Variants in CCDC178 observed in about 807,000 individuals in gnomAD.
CCDC178 encodes coiled-coil domain-containing protein 178.
In CCDC178, 126 loss-of-function variants were observed where a neutral mutation model predicts 117.4. That is an observed-to-expected ratio of 1.07 (90% CI 0.93 to 1.24). CCDC178 has a LOEUF of 1.24. Ranked by LOEUF, CCDC178 falls within the 50% of genes most tolerant of loss-of-function variation. The pLI is 0.00. For synonymous variants in CCDC178, 283 were observed against 313.4 expected (o/e 0.90, Z 1.02); for missense variants, 1,030 against 986.9 (o/e 1.04, Z -0.59).
chr18:33,173,447 T>C (rs895241834), intron 20 of CCDC178, among the ~76,000 whole-genome samples: 1 of 152,136 alleles, frequency 6.6e-6, no homozygotes, highest in African/African-American at 2.4e-5. Context: ...TCCTCAAAAG[T>C]TTCAAAACTA....
chr18:33,043,239 TA>T (rs1389831921), intron 21 of CCDC178, among the ~76,000 whole-genome samples: 1 of 152,000 alleles, frequency 6.6e-6, no homozygotes, highest in African/African-American at 2.4e-5. Context: ...TCTATTTCAG[TA>T]AAAAAACTAT....
At chr18:33,319,504 G>A (rs944683472) in intron 11 of CCDC178, among the ~76,000 whole-genome samples, 10 of 151,984 alleles carry the variant, frequency 6.6e-5, no homozygotes, top group African/African-American at 1.9e-4. Flanking sequence ...ATAAACATAC[G>A]TGTGCATGTG....
chr18:33,434,202 A>T (rs145684206), intron 2 of CCDC178, among the ~76,000 whole-genome samples: 355 of 152,250 alleles, frequency 2.3e-3, no homozygotes, highest in African/African-American at 7.9e-3. Context: ...TAAATAAATA[A>T]TAACACCCAC....
intron 2 of CCDC178, among the ~76,000 whole-genome samples, chr18:33,439,714 G>C (rs1248063596): frequency 1.3e-5 from 2 of 152,174 alleles, no homozygotes; most frequent in East Asian, 3.8e-4. Context: ...GAGATGTCAA[G>C]AATGCTGTAT....
At chr18:33,044,579 A>G (rs376427734) in intron 21 of CCDC178, among the ~76,000 whole-genome samples, 35 of 152,250 alleles carry the variant, frequency 2.3e-4, no homozygotes, top group African/African-American at 8.4e-4. Flanking sequence ...TCTTGGTGGG[A>G]ATGTAAACTA....
intron 4 of CCDC178, among the ~76,000 whole-genome samples, chr18:33,394,947 A>ATATG (rs2063613595): frequency 4.2e-5 from 1 of 23,782 alleles, no homozygotes; most frequent in Non-Finnish European, 1.1e-4. Context: ...GTATGTGTAT[A>ATATG]TATATATATA....
At chr18:33,337,653 TG>T (rs1313174640) in intron 9 of CCDC178, among the ~76,000 whole-genome samples, 3 of 151,808 alleles carry the variant, frequency 2.0e-5, no homozygotes, top group Non-Finnish European at 4.4e-5. Context: ...CAACATAAAG[TG>T]AGGAAAGGAC....
At chr18:33,337,460 A>T (rs2062756279) in intron 9 of CCDC178, among the ~76,000 whole-genome samples, 3 of 152,098 alleles carry the variant, frequency 2.0e-5, no homozygotes, top group Non-Finnish European at 4.4e-5. Context: ...AAAAGTGGTG[A>T]AAGTGGGCAT....
intron 21 of CCDC178, among the ~76,000 whole-genome samples, chr18:33,009,476 A>T (rs2055818729): frequency 6.6e-6 from 1 of 151,860 alleles, no homozygotes; most frequent in South Asian, 2.1e-4. Flanking sequence ...TATCTTAGTG[A>T]CTTTGTGTAT....
chr18:33,141,032 T>G (rs2058197374), intron 20 of CCDC178, among the ~76,000 whole-genome samples: 1 of 152,212 alleles, frequency 6.6e-6, no homozygotes, highest in Non-Finnish European at 1.5e-5. Flanking sequence ...GCTCTCTCTT[T>G]GCCTGTTGCC....
chr18:33,296,915 T>C (rs1020323785), intron 11 of CCDC178, among the ~76,000 whole-genome samples: 1 of 152,040 alleles, frequency 6.6e-6, no homozygotes, highest in Non-Finnish European at 1.5e-5. Context: ...TCCCACCTAC[T>C]CGGGAGGCTG....
intron 19 of CCDC178, among the ~76,000 whole-genome samples, chr18:33,213,132 G>T (rs1766740497): frequency 6.6e-6 from 1 of 151,882 alleles, no homozygotes; most frequent in African/African-American, 2.4e-5. Flanking sequence ...CTAGAGTTGA[G>T]GAACCTAAAC....
At chr18:33,305,527 C>A (rs2062236607) in intron 11 of CCDC178, among the ~76,000 whole-genome samples, 1 of 151,926 alleles carries the variant, frequency 6.6e-6, no homozygotes, top group Admixed American at 6.6e-5. Flanking sequence ...AGAGTCTCTG[C>A]AAAGGTGAGA....
At chr18:33,144,574 G>A (rs1329850349) in intron 20 of CCDC178, among the ~76,000 whole-genome samples, 2 of 152,072 alleles carry the variant, frequency 1.3e-5, no homozygotes, top group African/African-American at 4.8e-5. Flanking sequence ...AGAGAATGAA[G>A]TGACTGACCA....
At chr18:33,341,673 T>G (rs1013331761) in intron 9 of CCDC178, among the ~76,000 whole-genome samples, 1 of 152,160 alleles carries the variant, frequency 6.6e-6, no homozygotes, top group African/African-American at 2.4e-5. Flanking sequence ...TTTTCCACTT[T>G]TACTTCTTCC....
intron 9 of CCDC178, 47 bp from the exon 10 acceptor site, chr18:33,333,441 TATTTG>T: frequency 1.2e-6 from 1 of 823,390 alleles, no homozygotes; most frequent in African/African-American, 1.8e-5. Flanking sequence ...TTGGAGGAAA[TATTTG>T]ATAATACATA....
At chr18:33,253,279 G>A (rs759776391) in intron 14 of CCDC178, among the ~76,000 whole-genome samples, 7 of 151,690 alleles carry the variant, frequency 4.6e-5, no homozygotes, top group Non-Finnish European at 8.8e-5. Flanking sequence ...GCATTCTGAA[G>A]GTAAACTATA....
intron 20 of CCDC178, among the ~76,000 whole-genome samples, chr18:33,118,175 C>T (rs2057886175): frequency 6.6e-6 from 1 of 152,020 alleles, no homozygotes; most frequent in Admixed American, 6.6e-5. Context: ...GAAGCAGGCA[C>T]TTGATATAAT....
In CCDC178 at chr18:33,346,228, G is replaced by T. The variant is rs763353816; in HGVS notation, c.641C>A (p.Pro214Gln). 1 of 1,611,980 alleles carries T rather than the reference G, an allele frequency of 6.2e-7. No homozygotes were observed. The highest frequency in any genetic ancestry group is 1.3e-5 in the African/African-American group (1 of 74,836). Residue 214 changes from proline (P) to glutamine (Q), a missense_variant, in exon 9 of 23, where the codon CCA becomes CAA. Transcript: ENST00000383096. ...ATTATTACCTTTCTGCACAGCCAATGGGAGTTCTTGAAGTTTCCAGACTGA... is the reference window on the plus strand; with the variant it reads ...ATTATTACCTTTCTGCACAGCCAATTGGAGTTCTTGAAGTTTCCAGACTGA... ...SWSVWKLQEL[P>Q]LAVQKEHEAY...
Sources: gnomAD v4.1 joint callset for allele counts (sites outside exome capture counted in the v4.1 genomes callset) on GRCh38, gnomAD v4.1.1 for gene constraint, MANE v1.5 for transcripts, NCBI Gene and HGNC (gene_info 2026-07-23, HGNC 2026-07-21) for gene names.